The following GRM8 variants were observed in gnomAD, a reference collection of about 807,000 sequenced individuals.
GRM8 encodes the protein glutamate metabotropic receptor 8.
In GRM8, 47 loss-of-function variants were observed where a neutral mutation model predicts 87.2. That is an observed-to-expected ratio of 0.54 (90% CI 0.43 to 0.69). The LOEUF (loss-of-function observed/expected upper bound fraction) is 0.69. Among genes scored for constraint, GRM8 ranks in the 30% least tolerant of loss-of-function variants. The pLI is 0.00. For missense variants in GRM8, 1,019 were observed against 1,139.2 expected (o/e 0.89, Z 1.52); for synonymous variants, 396 against 404.5 (o/e 0.98, Z 0.25).
intron 9 of GRM8, among the ~76,000 whole-genome samples, chr7:126,467,618 C>T (rs1056614616): frequency 4.0e-5 from 6 of 151,688 alleles, no homozygotes; most frequent in Non-Finnish European, 7.4e-5. Context: ...AGTCTAGTTC[C>T]TTTTAAACAA....
chr7:126,917,480 T>C (rs1392818293), intron 3 of GRM8, among the ~76,000 whole-genome samples: 1 of 152,100 alleles, frequency 6.6e-6, no homozygotes, highest in Non-Finnish European at 1.5e-5. Context: ...CAAATAATAA[T>C]ATATTTGAAC....
At chr7:126,527,980 C>T (rs1040012656) in intron 9 of GRM8, among the ~76,000 whole-genome samples, 2 of 152,070 alleles carry the variant, frequency 1.3e-5, no homozygotes, top group East Asian at 1.9e-4. Flanking sequence ...CTAAGGCGGG[C>T]GGATCATGAG....
intron 9 of GRM8, among the ~76,000 whole-genome samples, chr7:126,500,897 C>A (rs1809540323): frequency 6.6e-6 from 1 of 151,858 alleles, no homozygotes; most frequent in African/African-American, 2.4e-5. Flanking sequence ...ATTTTGTAGA[C>A]CATTAAGCTA....
intron 6 of GRM8, among the ~76,000 whole-genome samples, chr7:126,884,982 T>G (rs1217550364): frequency 6.6e-6 from 1 of 152,148 alleles, no homozygotes; most frequent in East Asian, 1.9e-4. Flanking sequence ...CTGAAGGAAG[T>G]ATTTGTAAGG....
At chr7:126,725,541 G>A (rs566871832) in intron 7 of GRM8, among the ~76,000 whole-genome samples, 1 of 152,276 alleles carries the variant, frequency 6.6e-6, no homozygotes, top group East Asian at 1.9e-4. Flanking sequence ...ATAGAAACAA[G>A]GAATGACCTA....
intron 7 of GRM8, among the ~76,000 whole-genome samples, chr7:126,669,069 A>G (rs1806104485): frequency 6.6e-6 from 1 of 152,228 alleles, no homozygotes; most frequent in African/African-American, 2.4e-5. Context: ...ACACAGGAAC[A>G]GAAAACCAAA....
chr7:127,212,198 A>G (rs879452847), intron 2 of GRM8, among the ~76,000 whole-genome samples: 1 of 152,192 alleles, frequency 6.6e-6, no homozygotes, highest in Non-Finnish European at 1.5e-5. Flanking sequence ...TATTTTTCAA[A>G]CAGCTGAGGC....
At chr7:126,595,927 A>G (rs1292124614) in intron 8 of GRM8, among the ~76,000 whole-genome samples, 1 of 152,156 alleles carries the variant, frequency 6.6e-6, no homozygotes, top group Non-Finnish European at 1.5e-5. Flanking sequence ...ATTTCAGCTC[A>G]CGAGTTTGAG....
Position 126,438,938 on chromosome 7 carries a change from T to C in GRM8, c.*181A>G, listed in dbSNP as rs1235492925. The C allele has an allele frequency of 5.4e-6, 3 of 552,628 alleles. No individual in the cohort carries two copies. The highest frequency in any genetic ancestry group is 9.7e-6 in the Non-Finnish European group (3 of 308,482). 34.2% of individuals were successfully genotyped at this position (552,628 alleles called of 1,614,324 possible). A position where few individuals can be genotyped will look rare whatever the true frequency, so the allele number is the denominator to read the frequency against. ...CATTGGTTTTATTGTATAAAACGGGTTTCTTCACTCCCCGTTTATTGATAC... is the reference window on the plus strand; with the variant it reads ...CATTGGTTTTATTGTATAAAACGGGCTTCTTCACTCCCCGTTTATTGATAC... On this transcript the variant is annotated 3_prime_UTR_variant, in exon 11 of 11. Coordinates refer to ENST00000339582, the MANE Select transcript of GRM8 (RefSeq NM_000845.3).
chr7:126,461,755 A>C (rs968033736), intron 9 of GRM8, among the ~76,000 whole-genome samples: 1 of 151,614 alleles, frequency 6.6e-6, no homozygotes, highest in East Asian at 1.9e-4. Flanking sequence ...TCTACATCTC[A>C]TTCTCATGAT....
intron 3 of GRM8, among the ~76,000 whole-genome samples, chr7:126,997,936 GTAT>G (rs1250340337): frequency 4.0e-5 from 6 of 151,808 alleles, no homozygotes; most frequent in Non-Finnish European, 7.4e-5. Flanking sequence ...TATAAATCCA[GTAT>G]TATCCTGATA....
intron 7 of GRM8, among the ~76,000 whole-genome samples, chr7:126,766,096 T>C (rs924066248): frequency 6.6e-6 from 1 of 152,134 alleles, no homozygotes; most frequent in South Asian, 2.1e-4. Flanking sequence ...TCTAACATAT[T>C]CTTTGCTTTG....
rs775501163 is a variant in GRM8, at chr7:126,902,699, T to A, written c.1019-20A>T. The A allele has an allele frequency of 1.3e-6, 2 of 1,530,110 alleles. No individual in the cohort carries two copies. Among genetic ancestry groups the A allele is most frequent in the Admixed American group, 4.0e-5 (2 of 49,576 alleles). 94.8% of individuals were successfully genotyped at this position (1,530,110 alleles called of 1,614,324 possible). On this transcript the variant is annotated intron_variant, in intron 5 of 10. Transcript: ENST00000339582. ...CAAATCCTATTTCAAAGGAGAAAGG[T>A]ATGATTTTAATATTCTTTCAAAATT...
chr7:126,922,066 G>A (rs1380642623), intron 3 of GRM8, among the ~76,000 whole-genome samples: 2 of 152,122 alleles, frequency 1.3e-5, no homozygotes, highest in Non-Finnish European at 2.9e-5. Context: ...GGCTGTTTGA[G>A]GTGTTTGGAT....
intron 7 of GRM8, among the ~76,000 whole-genome samples, chr7:126,623,152 T>C (rs1457251261): frequency 6.6e-6 from 1 of 152,108 alleles, no homozygotes; most frequent in Non-Finnish European, 1.5e-5. Flanking sequence ...TGATGTATCA[T>C]ACTGATCCAT....
intron 3 of GRM8, among the ~76,000 whole-genome samples, chr7:126,993,175 C>T (rs1009599719): frequency 1.3e-5 from 2 of 151,946 alleles, no homozygotes; most frequent in African/African-American, 4.8e-5. Context: ...CTATATGACC[C>T]AAGAATTCCA....
chr7:127,156,073 A>C (rs1229592442), intron 2 of GRM8, among the ~76,000 whole-genome samples: 1 of 152,186 alleles, frequency 6.6e-6, no homozygotes, highest in African/African-American at 2.4e-5. Context: ...TGGAAACCTA[A>C]GATAAAGACT....
intron 2 of GRM8, among the ~76,000 whole-genome samples, chr7:127,156,751 G>A (rs1792757124): frequency 6.6e-6 from 1 of 152,062 alleles, no homozygotes; most frequent in Non-Finnish European, 1.5e-5. Flanking sequence ...GAGAAATCGA[G>A]AAGTTAAAAT....
chr7:126,439,247 C>G, intron 10 of GRM8, 79 bp from the exon 11 acceptor site: 1 of 837,326 alleles, frequency 1.2e-6, no homozygotes, highest in Non-Finnish European at 2.0e-6. Context: ...AAATTCAAGT[C>G]CTGTAATGAC....
Sources: allele counts gnomAD v4.1 joint callset (sites outside exome capture counted in the v4.1 genomes callset), GRCh38; gene constraint gnomAD v4.1.1; transcripts MANE v1.5; gene names NCBI Gene and HGNC (gene_info 2026-07-23, HGNC 2026-07-21).